Variants in BGN observed in about 807,000 individuals in gnomAD.
BGN encodes the protein bone/cartilage proteoglycan-I.
In BGN, 6 loss-of-function variants were observed where a neutral mutation model predicts 20.0. The ratio of observed to expected loss-of-function variants is 0.30; its 90% CI spans 0.16 to 0.59. The LOEUF (loss-of-function observed/expected upper bound fraction) is 0.59. BGN is among the 20% of genes least tolerant of loss of function. BGN has a pLI of 0.88. For missense variants in BGN, 292 were observed against 312.1 expected (o/e 0.94, Z 0.49); for synonymous variants, 146 against 134.6 (o/e 1.08, Z -0.59).
intron 7 of BGN, among the ~76,000 whole-genome samples, 176 bp from the exon 8 acceptor site, chrX:153,508,072 G>C (rs2089816001): frequency 8.9e-6 from 1 of 112,561 alleles, no homozygotes; most frequent in Admixed American, 9.3e-5. Flanking sequence ...CTTAATCCTG[G>C]CTGACACCCA....
At chrX:153,498,819 C>T (rs1008157486) in intron 1 of BGN, among the ~76,000 whole-genome samples, 2 of 112,410 alleles carry the variant, frequency 1.8e-5, no homozygotes, top group African/African-American at 6.5e-5. Flanking sequence ...GGCTGCCCTG[C>T]TGGCTGTGTT....
At chrX:153,501,145 C>T (rs782417283) in intron 1 of BGN, among the ~76,000 whole-genome samples, 24 of 107,426 alleles carry the variant, frequency 2.2e-4, no homozygotes, top group South Asian at 4.1e-4. Flanking sequence ...TAGGTGTGTG[C>T]GTGTGCACGT....
chrX:153,496,109 G>T (rs2124209564), intron 1 of BGN, among the ~76,000 whole-genome samples: 1 of 111,966 alleles, frequency 8.9e-6, no homozygotes, highest in South Asian at 3.8e-4. Flanking sequence ...GCAGGGCACA[G>T]GGTACATCAG....
At chrX:153,506,177 G>A in intron 4 of BGN, 101 bp downstream of exon 4, 1 of 848,016 alleles carries the variant, frequency 1.2e-6, no homozygotes, top group East Asian at 3.4e-5. Flanking sequence ...GAAAGAGTAT[G>A]GTGAGAACGG....
At chrX:153,507,936 C>T (rs2089814982) in intron 7 of BGN, among the ~76,000 whole-genome samples, 1 of 112,919 alleles carries the variant, frequency 8.9e-6, no homozygotes, top group Admixed American at 9.2e-5. Context: ...GGTGCTCCCC[C>T]GAGGCTCAGG....
intron 1 of BGN, among the ~76,000 whole-genome samples, chrX:153,502,748 G>A (rs958009989): frequency 8.8e-6 from 1 of 113,041 alleles, no homozygotes; most frequent in Non-Finnish European, 1.9e-5. Flanking sequence ...GACCCCAGGG[G>A]TCAGCATGAA....
At chrX:153,497,412 C>A (rs924835508) in intron 1 of BGN, among the ~76,000 whole-genome samples, 8 of 110,292 alleles carry the variant, frequency 7.3e-5, no homozygotes, top group African/African-American at 2.6e-4. Context: ...ATCCTGCCGG[C>A]CCTGGCCCCC....
At chrX:153,496,948 G>GCCCCCCCCCC (rs782676136) in intron 1 of BGN, among the ~76,000 whole-genome samples, 2 of 57,198 alleles carry the variant, frequency 3.5e-5, no homozygotes, top group African/African-American at 8.1e-5. Flanking sequence ...TGCTTCCCGG[G>GCCCCCCCCCC]CCCACCCCCC....
chrX:153,502,218 A>G (rs1386702538), intron 1 of BGN, among the ~76,000 whole-genome samples: 1 of 111,564 alleles, frequency 9.0e-6, no homozygotes, highest in Non-Finnish European at 1.9e-5. Context: ...GCCCCTCCCC[A>G]CAGCCTCCCG....
chrX:153,504,731 T>C lies in BGN; in HGVS notation c.100T>C (p.Phe34Leu). The change falls in exon 2 of 8, where the codon TTC becomes CTC. Residue 34 changes from phenylalanine to leucine, a missense_variant. Phe to Leu is a conservative substitution (Grantham distance 22, BLOSUM62 0). Coordinates refer to ENST00000331595, the MANE Select transcript of BGN (RefSeq NM_001711.6). ...FWDFTLDDGP[F>L]MMNDEEASGA... Reference sequence around the variant, plus strand: ...GGACTTCACCCTGGACGATGGGCCATTCATGATGAACGATGAGGAAGCTTC... The same window carrying C: ...GGACTTCACCCTGGACGATGGGCCACTCATGATGAACGATGAGGAAGCTTC... 2 of 1,211,787 alleles carry C rather than the reference T, an allele frequency of 1.7e-6. No individual in the cohort carries two copies. The highest frequency in any genetic ancestry group is 2.2e-6 in the Non-Finnish European group (2 of 895,432).
At position 153,508,736 on chromosome X, in the gene BGN, G is replaced by A. The variant is rs1336736401; in HGVS notation, c.*291G>A. 2.4e-5 allele frequency: 9 copies of A among 380,975 alleles called. No homozygotes were observed. Among genetic ancestry groups the A allele is most frequent in the African/African-American group, 1.0e-4 (4 of 39,086 alleles). 31.4% of individuals were successfully genotyped at this position (380,975 alleles called of 1,213,427 possible). The stretch of plus-strand genomic sequence containing the variant: ...AGGCACCCCATGAAGCTTTTTTCTC[G>A]TTCACTCCCAAACCCAAGTGTCCAA... On this transcript the variant is annotated 3_prime_UTR_variant, in exon 8 of 8. Coordinates refer to ENST00000331595, the MANE Select transcript of BGN (RefSeq NM_001711.6).
intron 1 of BGN, among the ~76,000 whole-genome samples, chrX:153,503,237 C>T (rs56130519): frequency 0.24 from 26,493 of 111,537 alleles, 3,003 homozygotes; most frequent in Middle Eastern, 0.4. Flanking sequence ...GGGGGCAGAG[C>T]CCCCACCTCC....
chrX:153,506,493 C>T (rs371729412), intron 4 of BGN, 36 bp from the exon 5 acceptor site: 36 of 1,168,062 alleles, frequency 3.1e-5, no homozygotes, highest in Non-Finnish European at 3.9e-5. Context: ...GTGCAGGGAC[C>T]ACCAGGCTCC....
Position 153,506,553 on chromosome X carries a change from A to G in BGN, c.590A>G (p.Asn197Ser). ...CIEMGGNPLE[N>S]SGFEPGAFDG... The stretch of plus-strand genomic sequence containing the variant: ...GAGATGGGCGGGAACCCACTGGAGA[A>G]CAGTGGCTTTGAACCTGGAGCCTTC... The change falls in exon 5 of 8, where the codon AAC (asparagine) becomes AGC (serine). Residue 197 changes from asparagine (N) to serine (S), a missense_variant. Coordinates refer to ENST00000331595, the MANE Select transcript of BGN (RefSeq NM_001711.6). The G allele has an allele frequency of 8.3e-7, 1 of 1,211,280 alleles. No individual in the cohort carries two copies. The highest frequency in any genetic ancestry group is 2.3e-4 in the Middle Eastern group (1 of 4,352).
chrX:153,506,666 C>T, intron 5 of BGN, 27 bp downstream of exon 5: 1 of 1,183,817 alleles, frequency 8.4e-7, no homozygotes, highest in Non-Finnish European at 1.1e-6. Flanking sequence ...TCCTGCACGC[C>T]TGCCTGCCTC....
Position 153,504,652 on chromosome X carries a change from C to T in BGN, c.21C>T (p.Leu7=), listed in dbSNP as rs199928539. The change falls in exon 2 of 8, where the codon CTC becomes CTT. Residue 7 remains leucine (L), a synonymous_variant. Transcript: ENST00000331595. The part of the protein sequence containing the change: MWPLWR[L]VSLLALSQAL... ...CCGCCATGTGGCCCCTGTGGCGCCT[C>T]GTGTCTCTGCTGGCCCTGAGCCAGG... The T allele has an allele frequency of 1.3e-5, 16 of 1,206,566 alleles. No homozygotes were observed. The highest frequency in any genetic ancestry group is 2.3e-4 in the Middle Eastern group (1 of 4,338).
At chrX:153,498,675 G>A (rs1485028937) in intron 1 of BGN, among the ~76,000 whole-genome samples, 5 of 112,628 alleles carry the variant, frequency 4.4e-5, no homozygotes, top group Non-Finnish European at 9.4e-5. Context: ...AGGGAGGGAG[G>A]GAGGCAGGGC....
chrX:153,505,506 C>T, intron 3 of BGN, 156 bp downstream of exon 3: 2 of 486,761 alleles, frequency 4.1e-6, no homozygotes, highest in South Asian at 6.8e-5. Flanking sequence ...CCCGGGTTTG[C>T]GGCTCACTCA....
At chrX:153,499,316 G>A (rs1318781119) in intron 1 of BGN, among the ~76,000 whole-genome samples, 2 of 111,917 alleles carry the variant, frequency 1.8e-5, no homozygotes, top group Non-Finnish European at 3.8e-5. Flanking sequence ...AGAGGACCAG[G>A]AGCGCACAGT....
Sources: allele counts gnomAD v4.1 joint callset (sites outside exome capture counted in the v4.1 genomes callset), GRCh38; gene constraint gnomAD v4.1.1; transcripts MANE v1.5; gene names NCBI Gene and HGNC (gene_info 2026-07-23, HGNC 2026-07-21).